The following ACYP2 variants were observed in gnomAD, a reference collection of about 807,000 sequenced individuals.
ACYP2 encodes acylphosphatase 2, also known as acylphosphatase-2.
Under a neutral mutation model 11.2 loss-of-function variants are expected in ACYP2, and 12 were observed. That is an observed-to-expected ratio of 1.08 (90% CI 0.69 to 1.74). The LOEUF (loss-of-function observed/expected upper bound fraction) is 1.74. Ranked by LOEUF, ACYP2 falls within the 40% of genes most tolerant of loss-of-function variation. The probability of loss-of-function intolerance (pLI) is 0.00; values close to 1 mark genes in which losing one functional copy is unlikely to be tolerated. For synonymous variants in ACYP2, 43 were observed against 32.2 expected, an observed-to-expected ratio of 1.33 and a Z score of -1.13; for missense variants, 134 against 101.9, an observed-to-expected ratio of 1.31 and a Z score of -1.35.
chr2:54,106,307 T>C (rs1479301030), intron 4 of ACYP2, among the ~76,000 whole-genome samples: 1 of 150,430 alleles, frequency 6.6e-6, no homozygotes, highest in Non-Finnish European at 1.5e-5. Context: ...CAAGTGATCC[T>C]CCCGCCTTGG....
rs530050465 is a variant in ACYP2, at chr2:54,148,149, C to T, written c.404+9401C>T. ...GATTGTGTTGCTTTTCCTGACCCAC[C>T]CCAAACAGATATCTACTTGTGTTCC... is the stretch of plus-strand genomic sequence containing the variant. On this transcript the variant is annotated intron_variant, in intron 6 of 6. Coordinates refer to ENST00000607452, the MANE Select transcript of ACYP2 (RefSeq NM_001320586.2). Among the ~76,000 whole-genome samples, 15 of 152,088 alleles carry T rather than the reference C, an allele frequency of 9.9e-5. 1 individual carries two copies. The South Asian group carries it at 3.1e-3, about 32-fold the overall frequency.
At chr2:54,177,502 A>G (rs1012366051) in intron 6 of ACYP2, among the ~76,000 whole-genome samples, 1 of 151,600 alleles carries the variant, frequency 6.6e-6, no homozygotes, top group Admixed American at 6.6e-5. Flanking sequence ...ACACCTTGCA[A>G]TTAGTCAGTC....
chr2:54,050,925 C>T (rs1044839110), intron 2 of ACYP2: 6 of 405,928 alleles, frequency 1.5e-5, no homozygotes, highest in African/African-American at 1.2e-4. Context: ...CAGGTGTGCA[C>T]CCAACTAATT....
intron 4 of ACYP2, among the ~76,000 whole-genome samples, chr2:54,129,385 A>T (rs1296870235): frequency 6.6e-6 from 1 of 152,114 alleles, no homozygotes; most frequent in Non-Finnish European, 1.5e-5. Flanking sequence ...CTCCTGCCTC[A>T]GCCTCCCAAA....
intron 2 of ACYP2, among the ~76,000 whole-genome samples, chr2:53,976,633 A>AG (rs1234566494): frequency 1.6e-5 from 2 of 125,160 alleles, no homozygotes; most frequent in African/African-American, 5.7e-5. Flanking sequence ...AAGATTTGGG[A>AG]GGAAAAAAAG....
Position 53,982,871 on chromosome 2 carries a change from TGTGA to T in ACYP2, c.62+9062_62+9065del, listed in dbSNP as rs1376697074. 2.6e-3 allele frequency among the ~76,000 whole-genome samples: 356 copies of T among 139,372 alleles called. 4 individuals carry two copies. The highest frequency in any genetic ancestry group is 8.7e-3 in the African/African-American group (335 of 38,542). The allele number at this position is 139,372 out of a possible 152,430, so 91.4% of individuals were successfully genotyped here. A position where few individuals can be genotyped will look rare whatever the true frequency, so the allele number is the denominator to read the frequency against. The stretch of plus-strand genomic sequence containing the variant: ...GTGTGTGTGTGTGTGTGTGTGTGTG[TGTGA>T]TATAAATAGGTTCAGGGAGAACCAG... On this transcript the variant is annotated intron_variant, in intron 2 of 6. Coordinates refer to ENST00000607452, the MANE Select transcript of ACYP2 (RefSeq NM_001320586.2).
In ACYP2 at chr2:54,012,525, CAATCAAT is replaced by C. The variant is rs913207225; in HGVS notation, c.63-38430_63-38424del. Among the ~76,000 whole-genome samples, 2 of 152,096 alleles carry C rather than the reference CAATCAAT, an allele frequency of 1.3e-5. 1 individual carries two copies. Among genetic ancestry groups the C allele is most frequent in the African/African-American group, 4.8e-5 (2 of 41,450 alleles). On this transcript the variant is annotated intron_variant, in intron 2 of 6. Coordinates refer to ENST00000607452, the MANE Select transcript of ACYP2 (RefSeq NM_001320586.2). ...CAAGACCCTGTCTCAATCAATCAAT[CAATCAAT>C]AAAGCATTTTGTATTTGTCTCTCTG...
intron 5 of ACYP2, among the ~76,000 whole-genome samples, chr2:54,137,512 T>C (rs1417674407): frequency 6.6e-6 from 1 of 152,116 alleles, no homozygotes; most frequent in Non-Finnish European, 1.5e-5. Flanking sequence ...TAGCTCCCAC[T>C]TCTACGTGAG....
chr2:54,177,174 C>T (rs780469427), intron 6 of ACYP2, among the ~76,000 whole-genome samples: 9 of 152,150 alleles, frequency 5.9e-5, no homozygotes, highest in Non-Finnish European at 1.2e-4. Context: ...AGGCTGACCA[C>T]GATGGGATAC....
intron 6 of ACYP2, among the ~76,000 whole-genome samples, chr2:54,218,083 TCACC>T (rs1685632322): frequency 1.3e-5 from 2 of 152,216 alleles, no homozygotes; most frequent in Admixed American, 6.5e-5. Context: ...AACCTGTATC[TCACC>T]CAGTTTTCAA....
At chr2:54,204,004 G>C (rs1252545906) in intron 6 of ACYP2, among the ~76,000 whole-genome samples, 1 of 151,998 alleles carries the variant, frequency 6.6e-6, no homozygotes, top group African/African-American at 2.4e-5. Context: ...TGTTGTTATT[G>C]TTGTTTTTAA....
intron 2 of ACYP2, among the ~76,000 whole-genome samples, chr2:54,021,508 G>A (rs1016345817): frequency 6.6e-6 from 1 of 152,072 alleles, no homozygotes; most frequent in African/African-American, 2.4e-5. Flanking sequence ...AAATAAGTTG[G>A]GTGATCACTT....
intron 6 of ACYP2, among the ~76,000 whole-genome samples, chr2:54,172,215 C>T (rs1245781285): frequency 6.6e-6 from 1 of 151,874 alleles, no homozygotes; most frequent in African/African-American, 2.4e-5. Flanking sequence ...GAGACCCTGT[C>T]TCTAGAAAAA....
chr2:54,034,298 C>T (rs1170349939), intron 2 of ACYP2, among the ~76,000 whole-genome samples: 2 of 152,154 alleles, frequency 1.3e-5, no homozygotes, highest in Admixed American at 6.5e-5. Context: ...GCGGAGGTTG[C>T]GGTGAGCCGG....
intron 2 of ACYP2, among the ~76,000 whole-genome samples, chr2:53,977,166 G>C (rs1055741544): frequency 1.3e-5 from 2 of 152,080 alleles, no homozygotes; most frequent in African/African-American, 4.8e-5. Flanking sequence ...TTCTGCCTCA[G>C]TTTCCCGAGT....
chr2:54,049,342 T>C (rs899279247), intron 2 of ACYP2, among the ~76,000 whole-genome samples: 2 of 152,138 alleles, frequency 1.3e-5, no homozygotes, highest in African/African-American at 4.8e-5. Context: ...AAGACTGCCT[T>C]ACCTCCTCAG....
intron 6 of ACYP2, among the ~76,000 whole-genome samples, chr2:54,295,612 C>T (rs1027729055): frequency 5.9e-5 from 9 of 152,118 alleles, no homozygotes; most frequent in South Asian, 2.1e-4. Flanking sequence ...TTTATTTCTT[C>T]GGGGTCGGGG....
At chr2:54,157,790 A>G (rs6545388) in intron 6 of ACYP2, among the ~76,000 whole-genome samples, 86,901 of 151,986 alleles carry the variant, frequency 0.57, 25,068 homozygotes, top group East Asian at 0.72. Context: ...AATCAGGGAA[A>G]GGCTTTCCAT....
At chr2:54,194,475 T>A (rs1684371671) in intron 6 of ACYP2, among the ~76,000 whole-genome samples, 1 of 152,190 alleles carries the variant, frequency 6.6e-6, no homozygotes, top group South Asian at 2.1e-4. Flanking sequence ...TTAACTCAGC[T>A]TTTTCATCCA....
Sources: gnomAD v4.1 joint callset for allele counts (sites outside exome capture counted in the v4.1 genomes callset) on GRCh38, gnomAD v4.1.1 for gene constraint, MANE v1.5 for transcripts, NCBI Gene and HGNC (gene_info 2026-07-23, HGNC 2026-07-21) for gene names.